Variants in ZMYM4 observed in about 807,000 individuals in gnomAD.
The protein encoded by ZMYM4 is zinc finger MYM-type protein 4.
In ZMYM4, 31 loss-of-function variants were observed where a neutral mutation model predicts 183.2. The observed-to-expected ratio is 0.17, with a 90% CI of 0.13 to 0.23. The LOEUF (loss-of-function observed/expected upper bound fraction) is 0.23. Among genes scored for constraint, ZMYM4 ranks in the 10% least tolerant of loss-of-function variants. The pLI, the probability that ZMYM4 is intolerant of heterozygous loss-of-function variation, is 1.00. For synonymous variants in ZMYM4, 592 were observed against 631.2 expected, an observed-to-expected ratio of 0.94 and a Z score of 0.93; for missense variants, 1,273 against 1,840.3, an observed-to-expected ratio of 0.69 and a Z score of 5.64.
In ZMYM4 at chr1:35,387,591, A is replaced by G. The variant is rs368725027; in HGVS notation, c.2250A>G (p.Ser750=). ...TTCGGTTCTCAGGTGCTGACAAGTC[A>G]TTCTGTAGTGAAGGTAAAGACAGAA... ...ETVRFSGADK[S]FCSEGCKLLY... is the part of the protein sequence containing the mutation. Residue 750 remains serine (S), a synonymous_variant, in exon 13 of 30, where the codon TCA becomes TCG. Coordinates refer to ENST00000314607, the MANE Select transcript of ZMYM4 (RefSeq NM_005095.3). The G allele has an allele frequency of 4.5e-5, 72 of 1,610,240 alleles. No homozygotes were observed. Among genetic ancestry groups the G allele is most frequent in the Non-Finnish European group, 5.9e-5 (70 of 1,178,962 alleles).
chr1:35,393,464 T>C (rs1214867976), intron 17 of ZMYM4, 131 bp from the exon 18 acceptor site: 1 of 766,764 alleles, frequency 1.3e-6, no homozygotes, highest in Non-Finnish European at 2.0e-6. Context: ...CTTATACATT[T>C]GGTTGAATAT....
At chr1:35,350,699 G>T in intron 2 of ZMYM4, 1 of 364,172 alleles carries the variant, frequency 2.7e-6, no homozygotes, top group South Asian at 2.9e-5. Context: ...TCCAGCTGCA[G>T]ACAAAGATCT....
intron 2 of ZMYM4, among the ~76,000 whole-genome samples, chr1:35,353,419 T>TA (rs1344184083): frequency 6.6e-6 from 1 of 152,260 alleles, no homozygotes; most frequent in Non-Finnish European, 1.5e-5. Context: ...CTTTTACACT[T>TA]ACATACATTG....
intron 1 of ZMYM4, among the ~76,000 whole-genome samples, chr1:35,304,450 A>AT (rs375570147): frequency 0.02 from 2,895 of 147,762 alleles, 78 homozygotes; most frequent in African/African-American, 0.068. Flanking sequence ...CAGTTATTTG[A>AT]TTTTTTTTTC....
Position 35,351,189 on chromosome 1 carries a change from A to G in ZMYM4, c.86-7736A>G, listed in dbSNP as rs184748390. 11 of 1,337,200 alleles carry G rather than the reference A, an allele frequency of 8.2e-6. No individual in the cohort carries two copies. The Admixed American group carries it at 1.7e-4, about 20-fold the overall frequency. The allele number at this position is 1,337,200 out of a possible 1,614,324, so 82.8% of individuals were successfully genotyped here. On this transcript the variant is annotated intron_variant, in intron 2 of 29. Transcript: ENST00000314607. ...CCTTGCCAGAACTACCACTGGCAATAAAGTTTTGGGTACCCTGAAGGGCGC... is the reference window on the plus strand; with the variant it reads ...CCTTGCCAGAACTACCACTGGCAATGAAGTTTTGGGTACCCTGAAGGGCGC...
rs142631712 is a variant in ZMYM4, at chr1:35,339,484, C to T, written c.85+14079C>T. On this transcript the variant is annotated intron_variant, in intron 2 of 29. Coordinates refer to ENST00000314607, the MANE Select transcript of ZMYM4 (RefSeq NM_005095.3). Reference sequence around the variant, plus strand: ...TCCTGACCTCAGGTGATCCGCCTGCCTTGGCCTCCCAAAGTGCTGGGATTA... The same window carrying T: ...TCCTGACCTCAGGTGATCCGCCTGCTTTGGCCTCCCAAAGTGCTGGGATTA... Among the ~76,000 whole-genome samples the T allele has an allele frequency of 3.8e-3, 574 of 152,250 alleles. 1 individual carries two copies. The highest frequency in any genetic ancestry group is 0.013 in the African/African-American group (548 of 41,552).
intron 1 of ZMYM4, among the ~76,000 whole-genome samples, chr1:35,316,363 T>C (rs1344931178): frequency 6.6e-6 from 1 of 152,228 alleles, no homozygotes; most frequent in African/African-American, 2.4e-5. Flanking sequence ...TGAATTTCAG[T>C]TGCCAAGGTT....
At chr1:35,315,698 T>C (rs1429081382) in intron 1 of ZMYM4, among the ~76,000 whole-genome samples, 1 of 152,144 alleles carries the variant, frequency 6.6e-6, no homozygotes, top group Non-Finnish European at 1.5e-5. Flanking sequence ...TTTGGGAGGC[T>C]GAGTTGGGAG....
chr1:35,268,973 G>A lies in ZMYM4; in HGVS notation c.-74G>A, dbSNP rs1435694842. ...GCGAGGCGGCCGTGCCTGCAGTGTG[G>A]GCGGGGGCCGGGGGGCCGAGAGGTA... is the stretch of plus-strand genomic sequence containing the variant. On this transcript the variant is annotated 5_prime_UTR_variant, in exon 1 of 30. Coordinates refer to ENST00000314607, the MANE Select transcript of ZMYM4 (RefSeq NM_005095.3). The A allele has an allele frequency of 1.1e-5, 16 of 1,469,274 alleles. No individual in the cohort carries two copies. Among genetic ancestry groups the A allele is most frequent in the Non-Finnish European group, 3.6e-6 (4 of 1,107,912 alleles). The allele number at this position is 1,469,274 out of a possible 1,614,324, so 91.0% of individuals were successfully genotyped here. A position where few individuals can be genotyped will look rare whatever the true frequency, so the allele number is the denominator to read the frequency against.
intron 9 of ZMYM4, among the ~76,000 whole-genome samples, chr1:35,383,680 A>G (rs953443855): frequency 2.0e-5 from 3 of 152,216 alleles, no homozygotes; most frequent in Non-Finnish European, 2.9e-5. Context: ...GATAGTCCAC[A>G]AGAGAGGGAG....
At chr1:35,365,536 G>A (rs1570446089) in intron 5 of ZMYM4, among the ~76,000 whole-genome samples, 1 of 152,094 alleles carries the variant, frequency 6.6e-6, no homozygotes, top group Non-Finnish European at 1.5e-5. Context: ...TGTCATAATA[G>A]TCATTCACAC....
At chr1:35,359,496 T>C (rs758443953) in intron 3 of ZMYM4, 50 bp downstream of exon 3, 1 of 1,457,266 alleles carries the variant, frequency 6.9e-7, no homozygotes, top group Admixed American at 2.4e-5. Context: ...AAATTACCGA[T>C]CATAATATAT....
intron 1 of ZMYM4, among the ~76,000 whole-genome samples, chr1:35,284,474 G>A (rs960498204): frequency 6.6e-6 from 1 of 152,136 alleles, no homozygotes; most frequent in African/African-American, 2.4e-5. Flanking sequence ...ATGGTACAAA[G>A]TAAGTGTCCA....
chr1:35,392,750 A>AC, intron 17 of ZMYM4, 66 bp downstream of exon 17: 4 of 1,233,996 alleles, frequency 3.2e-6, no homozygotes, highest in Admixed American at 2.5e-5. Context: ...CAGTATAAAT[A>AC]TGTGTGAACT....
At chr1:35,399,114 T>C in intron 22 of ZMYM4, 71 bp downstream of exon 22, 2 of 1,440,800 alleles carry the variant, frequency 1.4e-6, no homozygotes, top group Non-Finnish European at 1.9e-6. Context: ...GAATTGACAC[T>C]ATTAAGCAGT....
At chr1:35,313,479 C>T (rs975588554) in intron 1 of ZMYM4, among the ~76,000 whole-genome samples, 2 of 149,930 alleles carry the variant, frequency 1.3e-5, no homozygotes, top group Non-Finnish European at 3.0e-5. Flanking sequence ...ACGTCCACCT[C>T]CTGGGCTCAA....
chr1:35,309,661 A>G (rs372236389), intron 1 of ZMYM4, among the ~76,000 whole-genome samples: 1 of 152,054 alleles, frequency 6.6e-6, no homozygotes, highest in Non-Finnish European at 1.5e-5. Flanking sequence ...TTGTAATTAC[A>G]CTTTATATTT....
chr1:35,416,111 C>G (rs371698386), intron 28 of ZMYM4, among the ~76,000 whole-genome samples: 85 of 152,158 alleles, frequency 5.6e-4, no homozygotes, highest in East Asian at 2.3e-3. Flanking sequence ...TGACCAGAGC[C>G]CCTCTTTTTA....
chr1:35,286,672 C>T (rs949626893), intron 1 of ZMYM4, among the ~76,000 whole-genome samples: 1 of 148,836 alleles, frequency 6.7e-6, no homozygotes, highest in Non-Finnish European at 1.5e-5. Flanking sequence ...GATCACGGCT[C>T]ACTGAAGGCT....
Sources: gnomAD v4.1 joint callset for allele counts (sites outside exome capture counted in the v4.1 genomes callset) on GRCh38, gnomAD v4.1.1 for gene constraint, MANE v1.5 for transcripts, NCBI Gene and HGNC (gene_info 2026-07-23, HGNC 2026-07-21) for gene names.